Variants in NHLRC2 observed in about 807,000 individuals in gnomAD.
The protein encoded by NHLRC2 is NHL repeat-containing protein 2.
Under a neutral mutation model 68.1 loss-of-function variants are expected in NHLRC2, and 33 were observed. The ratio of observed to expected loss-of-function variants is 0.48; its 90% CI spans 0.37 to 0.65. NHLRC2 has a LOEUF of 0.65. Among genes scored for constraint, NHLRC2 ranks in the 30% least tolerant of loss-of-function variants. The probability of loss-of-function intolerance (pLI) is 0.00; values close to 1 mark genes in which losing one functional copy is unlikely to be tolerated. For missense variants in NHLRC2, 761 were observed against 853.8 expected, an observed-to-expected ratio of 0.89 and a Z score of 1.35; for synonymous variants, 311 against 309.6, an observed-to-expected ratio of 1.00 and a Z score of -0.05.
intron 2 of NHLRC2, among the ~76,000 whole-genome samples, chr10:113,866,027 A>G (rs1467131116): frequency 6.6e-6 from 1 of 152,254 alleles, no homozygotes; most frequent in Non-Finnish European, 1.5e-5. Context: ...TCATTTTACC[A>G]TAAAGCCAAA....
rs1186928413 is a variant in NHLRC2 at position 113,914,470 on chromosome 10, C to T, written c.*5934C>T. On this transcript the variant is annotated 3_prime_UTR_variant, in exon 11 of 11. Coordinates refer to ENST00000369301, the MANE Select transcript of NHLRC2 (RefSeq NM_198514.4). ...GGCGTGAGCCGCTGCGCCCAGCGCA[C>T]TAAATACTATTAAAAGGAATTAAGC... 6.3e-6 allele frequency: 1 copy of T among 158,434 alleles called. No homozygotes were observed. Among genetic ancestry groups the T allele is most frequent in the Non-Finnish European group, 1.4e-5 (1 of 72,420 alleles). 9.8% of individuals were successfully genotyped at this position (158,434 alleles called of 1,614,324 possible).
intron 3 of NHLRC2, among the ~76,000 whole-genome samples, chr10:113,878,384 A>G (rs536210978): frequency 6.6e-6 from 1 of 152,062 alleles, no homozygotes; most frequent in South Asian, 2.1e-4. Flanking sequence ...ACTTGTATGA[A>G]CTCATTTTTG....
intron 6 of NHLRC2, among the ~76,000 whole-genome samples, chr10:113,899,139 T>C (rs541978535): frequency 2.6e-5 from 4 of 152,180 alleles, no homozygotes; most frequent in African/African-American, 9.6e-5. Context: ...TTCTCTCTCT[T>C]CTCTCCTTTT....
At chr10:113,870,754 C>T (rs1845915110) in intron 2 of NHLRC2, among the ~76,000 whole-genome samples, 1 of 152,164 alleles carries the variant, frequency 6.6e-6, no homozygotes, top group South Asian at 2.1e-4. Flanking sequence ...TTTCTGCTAG[C>T]AGTGTGTGAG....
rs1367527379 is a variant in NHLRC2, at chr10:113,912,475, G to T, written c.*3939G>T. The T allele has an allele frequency of 6.6e-6, 1 of 152,132 alleles. No individual in the cohort carries two copies. Among genetic ancestry groups the T allele is most frequent in the Non-Finnish European group, 1.5e-5 (1 of 68,016 alleles). 9.4% of individuals were successfully genotyped at this position (152,132 alleles called of 1,614,324 possible). ...AGTTATAAAGAAGCATGCCTATAGTGTTATTAAAAATTTTTTGTACGACTT... is the reference window on the plus strand; with the variant it reads ...AGTTATAAAGAAGCATGCCTATAGTTTTATTAAAAATTTTTTGTACGACTT... On this transcript the variant is annotated 3_prime_UTR_variant, in exon 11 of 11. Coordinates refer to ENST00000369301, the MANE Select transcript of NHLRC2 (RefSeq NM_198514.4).
intron 2 of NHLRC2, among the ~76,000 whole-genome samples, chr10:113,868,763 A>G (rs1230506664): frequency 6.6e-6 from 1 of 152,228 alleles, no homozygotes; most frequent in Non-Finnish European, 1.5e-5. Context: ...TGATGACATT[A>G]TAGAGTTTAA....
At chr10:113,855,591 C>G (rs1462230129) in intron 1 of NHLRC2, among the ~76,000 whole-genome samples, 5 of 152,146 alleles carry the variant, frequency 3.3e-5, no homozygotes, top group Admixed American at 3.3e-4. Flanking sequence ...CCTCAGCCTC[C>G]GGAGTAGCTG....
chr10:113,858,402 G>T, intron 1 of NHLRC2, 126 bp from the exon 2 acceptor site: 1 of 608,998 alleles, frequency 1.6e-6, no homozygotes. Flanking sequence ...GCCTTTATAT[G>T]GTGCTACTCT....
chr10:113,883,419 A>G (rs961215004), intron 4 of NHLRC2, among the ~76,000 whole-genome samples: 9 of 151,926 alleles, frequency 5.9e-5, no homozygotes, highest in Non-Finnish European at 1.0e-4. Flanking sequence ...GAGGAATAAG[A>G]TATCTATGAA....
At chr10:113,896,973 G>A (rs748845948) in intron 5 of NHLRC2, among the ~76,000 whole-genome samples, 42 of 149,730 alleles carry the variant, frequency 2.8e-4, no homozygotes, top group Non-Finnish European at 5.3e-4. Context: ...CAGCCTGGGG[G>A]ACGGAGTGAG....
intron 5 of NHLRC2, among the ~76,000 whole-genome samples, chr10:113,892,743 G>T (rs1032067666): frequency 2.0e-5 from 3 of 151,982 alleles, no homozygotes; most frequent in African/African-American, 7.3e-5. Flanking sequence ...CGGTGGCTGT[G>T]AGCAAGGACT....
intron 10 of NHLRC2, among the ~76,000 whole-genome samples, chr10:113,907,547 TCGAGATGAATAAAGA>T (rs1564860119): frequency 6.6e-6 from 1 of 152,206 alleles, no homozygotes; most frequent in African/African-American, 2.4e-5. Flanking sequence ...TAAGAGAAAG[TCGAGATGAATAAAGA>T]CATTTAAAGA....
At chr10:113,863,457 T>G (rs1185887524) in intron 2 of NHLRC2, among the ~76,000 whole-genome samples, 1 of 151,996 alleles carries the variant, frequency 6.6e-6, no homozygotes, top group Non-Finnish European at 1.5e-5. Context: ...TGGCACATGG[T>G]GAAAACAGGG....
chr10:113,884,320 G>A lies in NHLRC2; in HGVS notation c.979G>A (p.Gly327Arg). ...IGIQGTDKEG[G>R]AKGEQQPISS... is the part of the protein sequence containing the mutation. ...AATTCAAGGTACAGATAAAGAAGGT[G>A]GAGCAAAAGGAGAACAACAACCCAT... Residue 327 changes from glycine to arginine, a missense_variant, in exon 5 of 11, where the codon GGA (glycine) becomes AGA (arginine). Coordinates refer to ENST00000369301, the MANE Select transcript of NHLRC2 (RefSeq NM_198514.4). 1.2e-6 allele frequency: 2 copies of A among 1,610,446 alleles called. No homozygotes were observed. Among genetic ancestry groups the A allele is most frequent in the Non-Finnish European group, 1.7e-6 (2 of 1,177,296 alleles).
At chr10:113,868,516 A>G (rs931776250) in intron 2 of NHLRC2, among the ~76,000 whole-genome samples, 1 of 152,238 alleles carries the variant, frequency 6.6e-6, no homozygotes, top group African/African-American at 2.4e-5. Context: ...TAGATCTCCT[A>G]TTTGGACAAT....
chr10:113,887,775 A>G (rs1380986453), intron 5 of NHLRC2, among the ~76,000 whole-genome samples: 1 of 152,256 alleles, frequency 6.6e-6, no homozygotes. Flanking sequence ...CTGTCTCTAA[A>G]AAAACAAAAA....
rs187768865 is a variant in NHLRC2, at chr10:113,898,022, A to G, written c.1040-88A>G. On this transcript the variant is annotated intron_variant, in intron 5 of 10. Coordinates refer to ENST00000369301, the MANE Select transcript of NHLRC2 (RefSeq NM_198514.4). ...TCAGATGATTCACAAACATATTGTTATCCTCCATAAATTTAACATTTTAAA... is the reference window on the plus strand; with the variant it reads ...TCAGATGATTCACAAACATATTGTTGTCCTCCATAAATTTAACATTTTAAA... 4.7e-5 allele frequency: 29 copies of G among 620,528 alleles called. No homozygotes were observed. In the African/African-American group the frequency reaches 4.9e-4, roughly 11 times the overall value. The allele number at this position is 620,528 out of a possible 1,614,324, so 38.4% of individuals were successfully genotyped here. A position where few individuals can be genotyped will look rare whatever the true frequency, so the allele number is the denominator to read the frequency against.
chr10:113,888,420 C>T (rs928351990), intron 5 of NHLRC2, among the ~76,000 whole-genome samples: 1 of 151,826 alleles, frequency 6.6e-6, no homozygotes, highest in African/African-American at 2.4e-5. Context: ...TTGTACCCCA[C>T]GAATGTACAC....
At chr10:113,899,679 G>T (rs772633560) in intron 6 of NHLRC2, among the ~76,000 whole-genome samples, 1 of 152,230 alleles carries the variant, frequency 6.6e-6, no homozygotes, top group East Asian at 1.9e-4. Flanking sequence ...CAGCACTTTG[G>T]GGGGCCGAGG....
Sources: gnomAD v4.1 joint callset for allele counts (sites outside exome capture counted in the v4.1 genomes callset) on GRCh38, gnomAD v4.1.1 for gene constraint, MANE v1.5 for transcripts, NCBI Gene and HGNC (gene_info 2026-07-23, HGNC 2026-07-21) for gene names.